The following TRPM6 variants were observed in gnomAD, a reference collection of about 807,000 sequenced individuals.
TRPM6 encodes the protein transient receptor potential cation channel subfamily M member 6, also known as channel kinase 2.
Under a neutral mutation model 247.6 loss-of-function variants are expected in TRPM6, and 111 were observed. The ratio of observed to expected loss-of-function variants is 0.45; its 90% confidence interval spans 0.38 to 0.52. The LOEUF is 0.52. Ranked by LOEUF, TRPM6 falls within the 20% of genes least tolerant of loss-of-function variation. TRPM6 has a pLI of 0.00. For synonymous variants in TRPM6, 892 were observed against 853.8 expected (o/e 1.04, Z -0.78); for missense variants, 2,126 against 2,421.5 (o/e 0.88, Z 2.56).
chr9:74,863,613 G>A (rs1049002279), intron 1 of TRPM6, among the ~76,000 whole-genome samples: 2 of 151,638 alleles, frequency 1.3e-5, no homozygotes, highest in Admixed American at 6.6e-5. Flanking sequence ...ACGGAGTCTC[G>A]CTCTGTCTCC....
At position 74,780,475 on chromosome 9, in the gene TRPM6, A is replaced by G. The variant is rs975593981; in HGVS notation, c.3209+1887T>C. On this transcript the variant is annotated intron_variant, in intron 23 of 38. Coordinates refer to ENST00000360774, the MANE Select transcript of TRPM6 (RefSeq NM_017662.5). ...GTCTCAAAAAAAAAAAAACGAAGTG[A>G]CAGAAAAGCCAACTCACATGGGGCC... is the stretch of plus-strand genomic sequence containing the variant. 7.9e-5 allele frequency among the ~76,000 whole-genome samples: 12 copies of G among 151,586 alleles called. No individual in the cohort carries two copies. In the East Asian group the frequency reaches 2.3e-3, roughly 29 times the overall value.
rs528937077 is a variant in TRPM6, at chr9:74,821,005, A to G, written c.1011-578T>C. Among the ~76,000 whole-genome samples the G allele has an allele frequency of 3.2e-4, 49 of 152,324 alleles. 1 individual carries two copies. The highest frequency in any genetic ancestry group is 1.2e-3 in the African/African-American group (48 of 41,568). On this transcript the variant is annotated intron_variant, in intron 8 of 38. Coordinates refer to ENST00000360774, the MANE Select transcript of TRPM6 (RefSeq NM_017662.5). ...AGTGGAGGCAGGAGAAATGAACAGG[A>G]AGAGCAATCATAAGCAAAGGCACTC... is the stretch of plus-strand genomic sequence containing the variant.
Position 74,815,331 on chromosome 9 carries a change from A to G in TRPM6, c.1308+1338T>C, listed in dbSNP as rs560822401. Among the ~76,000 whole-genome samples the G allele has an allele frequency of 2.0e-5, 3 of 152,336 alleles. No individual in the cohort carries two copies. In the East Asian group the frequency reaches 5.8e-4, roughly 29 times the overall value. On this transcript the variant is annotated intron_variant, in intron 11 of 38. Transcript: ENST00000360774. ...AAGAAGTGTTTACTTCTCAATAGAA[A>G]TTCTGGGTGCTGGAAACTAGGCATT... is the stretch of plus-strand genomic sequence containing the variant.
At position 74,724,527 on chromosome 9, in the gene TRPM6, T is replaced by C; in HGVS notation, c.*86A>G. ...GGCGTGTCCCAAGGAGACGCTGATG[T>C]AATCAACATCACGTTGATCAATCTA... On this transcript the variant is annotated 3_prime_UTR_variant, in exon 39 of 39. Coordinates refer to ENST00000360774, the MANE Select transcript of TRPM6 (RefSeq NM_017662.5). The C allele has an allele frequency of 6.3e-7, 1 of 1,595,332 alleles. No homozygotes were observed. The highest frequency in any genetic ancestry group is 1.7e-5 in the Admixed American group (1 of 59,978).
At chr9:74,819,551 T>G (rs2117978663) in intron 9 of TRPM6, among the ~76,000 whole-genome samples, 1 of 152,218 alleles carries the variant, frequency 6.6e-6, no homozygotes, top group East Asian at 1.9e-4. Flanking sequence ...TTTATCACAG[T>G]ACCCTAAAAC....
intron 33 of TRPM6, among the ~76,000 whole-genome samples, chr9:74,741,617 C>T (rs1015707932): frequency 9.9e-5 from 15 of 151,994 alleles, no homozygotes; most frequent in Non-Finnish European, 1.5e-4. Flanking sequence ...GAAGCCAGGC[C>T]GGTGCGGTGA....
chr9:74,748,014 A>G, intron 30 of TRPM6, 100 bp from the exon 31 acceptor site: 1 of 1,061,814 alleles, frequency 9.4e-7, no homozygotes, highest in Non-Finnish European at 1.4e-6. Context: ...AACACAAAGT[A>G]TATATTTTAT....
chr9:74,840,422 A>G (rs1444427804), intron 4 of TRPM6, among the ~76,000 whole-genome samples, 185 bp from the exon 5 acceptor site: 1 of 152,244 alleles, frequency 6.6e-6, no homozygotes, highest in Non-Finnish European at 1.5e-5. Context: ...CACTCCCATT[A>G]AGTTCCTTCT....
chr9:74,771,926 T>G, intron 24 of TRPM6, 91 bp from the exon 25 acceptor site: 5 of 1,212,806 alleles, frequency 4.1e-6, no homozygotes, highest in Non-Finnish European at 4.8e-6. Context: ...AATGAGAAAC[T>G]ATAGCCTGTT....
chr9:74,803,924 C>A, intron 14 of TRPM6, 38 bp from the exon 15 acceptor site: 5 of 1,228,646 alleles, frequency 4.1e-6, no homozygotes, highest in Non-Finnish European at 2.4e-6. Flanking sequence ...CACTCTCTGG[C>A]ACGTTATTAT....
chr9:74,824,895 T>C (rs2118031725), intron 7 of TRPM6, among the ~76,000 whole-genome samples: 1 of 152,252 alleles, frequency 6.6e-6, no homozygotes, highest in South Asian at 2.1e-4. Flanking sequence ...TTTTTTTTTT[T>C]TAAAGTATTC....
At chr9:74,759,250 G>C (rs890297414) in intron 27 of TRPM6, among the ~76,000 whole-genome samples, 1 of 151,980 alleles carries the variant, frequency 6.6e-6, no homozygotes, top group Non-Finnish European at 1.5e-5. Context: ...TATAAAAATT[G>C]ACAAGCTGAT....
intron 33 of TRPM6, among the ~76,000 whole-genome samples, chr9:74,742,346 T>C (rs966473474): frequency 6.6e-6 from 1 of 152,234 alleles, no homozygotes; most frequent in Non-Finnish European, 1.5e-5. Context: ...TGCTGCTCAT[T>C]ATAGGTCTTA....
At chr9:74,787,351 GA>G (rs971199796) in intron 20 of TRPM6, among the ~76,000 whole-genome samples, 2 of 137,202 alleles carry the variant, frequency 1.5e-5, no homozygotes, top group African/African-American at 2.7e-5. Flanking sequence ...AAAAAAAAAA[GA>G]AAAAAAAAGA....
At chr9:74,808,232 G>T in intron 13 of TRPM6, 58 bp from the exon 14 acceptor site, 1 of 1,604,468 alleles carries the variant, frequency 6.2e-7, no homozygotes, top group Non-Finnish European at 8.5e-7. Context: ...CATTTCTCTT[G>T]CCATGCCATT....
At chr9:74,793,302 C>G (rs1827972742) in intron 18 of TRPM6, among the ~76,000 whole-genome samples, 1 of 152,146 alleles carries the variant, frequency 6.6e-6, no homozygotes. Flanking sequence ...AGTAATCAAA[C>G]CCAAAGTAAG....
chr9:74,780,609 A>G (rs1273788834), intron 23 of TRPM6, among the ~76,000 whole-genome samples: 1 of 152,208 alleles, frequency 6.6e-6, no homozygotes, highest in Non-Finnish European at 1.5e-5. Context: ...TTAAAGGGTC[A>G]TTTGGACTAC....
chr9:74,767,395 G>C (rs1325576519), intron 25 of TRPM6, among the ~76,000 whole-genome samples: 1 of 152,156 alleles, frequency 6.6e-6, no homozygotes, highest in East Asian at 1.9e-4. Context: ...ATTTAAAACA[G>C]CCTTGCTATG....
chr9:74,826,515 C>T (rs1564032298), intron 7 of TRPM6, among the ~76,000 whole-genome samples: 1 of 152,036 alleles, frequency 6.6e-6, no homozygotes, highest in Admixed American at 6.6e-5. Flanking sequence ...CTTTCTGGTG[C>T]CTTGAACCAA....
Sources: allele counts gnomAD v4.1 joint callset (sites outside exome capture counted in the v4.1 genomes callset), GRCh38; gene constraint gnomAD v4.1.1; transcripts MANE v1.5; gene names NCBI Gene and HGNC (gene_info 2026-07-23, HGNC 2026-07-21).